Variants in VWF observed in about 807,000 individuals in gnomAD.
The protein encoded by VWF is Factor VIII related antigen.
Under a neutral mutation model 308.6 loss-of-function variants are expected in VWF, and 176 were observed. That is an observed-to-expected ratio of 0.57 (90% CI 0.50 to 0.65). The LOEUF (loss-of-function observed/expected upper bound fraction) is 0.65, where lower values mean the gene tolerates loss of function less well. Ranked by LOEUF, VWF falls within the 30% of genes least tolerant of loss-of-function variation. The probability of loss-of-function intolerance (pLI) is 0.00; values close to 1 mark genes in which losing one functional copy is unlikely to be tolerated. For synonymous variants in VWF, 1,385 were observed against 1,443.4 expected (o/e 0.96, Z 0.92); for missense variants, 3,146 against 3,648.2 (o/e 0.86, Z 3.55).
chr12:6,066,674 A>G (rs946317309), intron 10 of VWF, among the ~76,000 whole-genome samples: 1 of 152,226 alleles, frequency 6.6e-6, no homozygotes, highest in East Asian at 1.9e-4. Flanking sequence ...GGTCCTACAG[A>G]CCATCCTATG....
chr12:6,057,745 GC>G (rs138598335), intron 14 of VWF, 103 bp downstream of exon 14: 37,564 of 1,354,924 alleles, frequency 0.028, 2,969 homozygotes, highest in African/African-American at 0.28. Context: ...CTCGCTCCCC[GC>G]CCCCGCCCTC....
chr12:6,082,186 C>G (rs770354190), intron 6 of VWF, among the ~76,000 whole-genome samples: 1 of 152,062 alleles, frequency 6.6e-6, no homozygotes, highest in African/African-American at 2.4e-5. Flanking sequence ...AGGCTGGTCT[C>G]GAACTCCTGA....
At position 6,020,302 on chromosome 12, in the gene VWF, G is replaced by C. The variant is rs1177275938; in HGVS notation, c.3675-559C>G. On this transcript the variant is annotated intron_variant, in intron 27 of 51. Coordinates refer to ENST00000261405, the MANE Select transcript of VWF (RefSeq NM_000552.5). The surrounding 1 kb of genome is among the most constrained non-coding windows in gnomAD (Gnocchi z 4.3). ...AAAAAATTGGAGCAAAAACATTGTA[G>C]AAAGATGAATAAAGATTCAAAACCC... Among the ~76,000 whole-genome samples the C allele has an allele frequency of 6.6e-6, 1 of 152,246 alleles. No homozygotes were observed. Among genetic ancestry groups the C allele is most frequent in the Non-Finnish European group, 1.5e-5 (1 of 68,040 alleles).
At chr12:6,070,199 T>C (rs1397105712) in intron 10 of VWF, among the ~76,000 whole-genome samples, 11 of 152,234 alleles carry the variant, frequency 7.2e-5, no homozygotes, top group African/African-American at 2.7e-4. Flanking sequence ...CAATCTTTTC[T>C]CCTTCGTGCC....
At chr12:6,107,839 T>C (rs1166752688) in intron 5 of VWF, among the ~76,000 whole-genome samples, 1 of 152,028 alleles carries the variant, frequency 6.6e-6, no homozygotes, top group African/African-American at 2.4e-5. Context: ...TTTGTATTTT[T>C]AGTAGAGACG....
intron 13 of VWF, among the ~76,000 whole-genome samples, chr12:6,061,597 T>A (rs1445520779): frequency 1.3e-5 from 2 of 152,040 alleles, no homozygotes; most frequent in Admixed American, 6.6e-5. Flanking sequence ...ACCCTGCCCC[T>A]GCCACCCAGG....
chr12:6,034,607 C>T, intron 20 of VWF, 81 bp downstream of exon 20: 1 of 1,606,992 alleles, frequency 6.2e-7, no homozygotes, highest in Non-Finnish European at 8.5e-7. Context: ...GCAGACAGAT[C>T]CACAGAACCC....
In VWF at chr12:6,110,929, T is replaced by G. The variant is rs62643621; in HGVS notation, c.260A>C (p.Tyr87Ser). 24 of 1,613,980 alleles carry G rather than the reference T, an allele frequency of 1.5e-5. No individual in the cohort carries two copies. The highest frequency in any genetic ancestry group is 1.8e-5 in the Non-Finnish European group (21 of 1,180,016). The change falls in exon 4 of 52, where the codon TAT becomes TCT. Residue 87 changes from tyrosine to serine, a missense_variant. Physicochemically the swap from Tyr to Ser is moderately radical, Grantham distance 144 (BLOSUM62 -2). Coordinates refer to ENST00000261405, the MANE Select transcript of VWF (RefSeq NM_000552.5). ...ATGGATGTCAAAAAATTCCCCAAGA[T>G]ACACGGAGAGGCTCACTCTCTTGCC... ...QNGKRVSLSVYLGEFFDIHLF... is the reference protein window; with the variant it reads ...QNGKRVSLSVSLGEFFDIHLF...
At chr12:6,027,777 G>C (rs1216034124) in intron 22 of VWF, among the ~76,000 whole-genome samples, 1 of 151,462 alleles carries the variant, frequency 6.6e-6, no homozygotes, top group African/African-American at 2.4e-5. Flanking sequence ...TAATAAATGT[G>C]TTGTTTTAAG....
chr12:6,025,524 T>G lies in VWF; in HGVS notation c.3222+56A>C. ...GTTAGAAGGTCACACTCTGTGTCCATACCACCAGGCCAAGCCTTGGGACCG... is the reference window on the plus strand; with the variant it reads ...GTTAGAAGGTCACACTCTGTGTCCAGACCACCAGGCCAAGCCTTGGGACCG... On this transcript the variant is annotated intron_variant, in intron 24 of 51. Transcript: ENST00000261405. 4 of 1,418,246 alleles carry G rather than the reference T, an allele frequency of 2.8e-6. No homozygotes were observed. In the South Asian group the frequency reaches 4.7e-5, roughly 17 times the overall value. The allele number at this position is 1,418,246 out of a possible 1,614,324, so 87.9% of individuals were successfully genotyped here.
chr12:5,972,105 G>A (rs115073810), intron 43 of VWF, among the ~76,000 whole-genome samples: 3 of 152,248 alleles, frequency 2.0e-5, no homozygotes, highest in Admixed American at 1.3e-4. Flanking sequence ...CTCCACTCTC[G>A]CAGGGCTAGC....
intron 5 of VWF, among the ~76,000 whole-genome samples, chr12:6,097,494 G>T (rs143045343): frequency 6.6e-6 from 1 of 151,948 alleles, no homozygotes; most frequent in Non-Finnish European, 1.5e-5. Context: ...AGAGGGAGAC[G>T]GGCAAAGACA....
At chr12:6,105,234 C>G (rs1426242693) in intron 5 of VWF, among the ~76,000 whole-genome samples, 1 of 152,006 alleles carries the variant, frequency 6.6e-6, no homozygotes. Context: ...TAAATTTATA[C>G]AATTTTTTTT....
chr12:6,045,912 T>G (rs1020134388), intron 17 of VWF, among the ~76,000 whole-genome samples: 3 of 152,146 alleles, frequency 2.0e-5, no homozygotes, highest in Non-Finnish European at 2.9e-5. Context: ...CCTTCTCCCT[T>G]CCATGCCTGG....
At chr12:5,956,136 C>T (rs1000052675) in intron 47 of VWF, among the ~76,000 whole-genome samples, 2 of 152,094 alleles carry the variant, frequency 1.3e-5, no homozygotes, top group African/African-American at 2.4e-5. Flanking sequence ...CACATTACTC[C>T]CATGTTTGTG....
chr12:6,031,361 C>G, intron 21 of VWF, 83 bp downstream of exon 21: 6 of 1,610,338 alleles, frequency 3.7e-6, no homozygotes, highest in Middle Eastern at 1.7e-4. Flanking sequence ...CACACGAGCT[C>G]TAAATGAATG....
chr12:6,026,128 C>G, intron 22 of VWF, 82 bp from the exon 23 acceptor site: 1 of 1,600,388 alleles, frequency 6.2e-7, no homozygotes, highest in South Asian at 1.1e-5. Flanking sequence ...ACATTCCTGG[C>G]GGCAATGGAG....
intron 18 of VWF, among the ~76,000 whole-genome samples, chr12:6,041,101 G>A (rs1394930011): frequency 1.3e-5 from 2 of 152,092 alleles, no homozygotes; most frequent in Admixed American, 6.5e-5. Context: ...GGAAGTAAGA[G>A]TTTAGATTTA....
Position 6,070,224 on chromosome 12 carries a change from C to T in VWF, c.1156+1073G>A, listed in dbSNP as rs137873960. Among the ~76,000 whole-genome samples, 1,184 of 152,322 alleles carry T rather than the reference C, an allele frequency of 7.8e-3. 12 individuals are homozygous for T. Among genetic ancestry groups the T allele is most frequent in the Non-Finnish European group, 0.012 (846 of 68,036 alleles). Reference sequence around the variant, plus strand: ...TCCTTCGTGCCTTCTTTAAGGGTTACACAAAAGATAACCTGGCTGGGTGAC... The same window carrying T: ...TCCTTCGTGCCTTCTTTAAGGGTTATACAAAAGATAACCTGGCTGGGTGAC... On this transcript the variant is annotated intron_variant, in intron 10 of 51. Transcript: ENST00000261405.
Sources: allele counts gnomAD v4.1 joint callset (sites outside exome capture counted in the v4.1 genomes callset), GRCh38; gene constraint gnomAD v4.1.1; non-coding constraint Gnocchi (gnomAD v3.1); transcripts MANE v1.5; gene names NCBI Gene and HGNC (gene_info 2026-07-23, HGNC 2026-07-21).